Variants in VPS13A observed in about 807,000 individuals in gnomAD.
VPS13A encodes vacuolar protein sorting 13 homolog A, also known as intermembrane lipid transfer protein VPS13A.
VPS13A carries 264 observed loss-of-function variants against 390.9 expected under a neutral mutation model. The observed-to-expected ratio is 0.68, with a 90% CI of 0.61 to 0.75. The LOEUF is 0.75. Ranked by LOEUF, VPS13A falls within the 30% of genes least tolerant of loss-of-function variation. The probability of loss-of-function intolerance (pLI) is 0.00; values close to 1 mark genes in which losing one functional copy is unlikely to be tolerated. For missense variants in VPS13A, 3,409 were observed against 3,733.9 expected, an observed-to-expected ratio of 0.91 and a Z score of 2.27; for synonymous variants, 1,231 against 1,227.1, an observed-to-expected ratio of 1.00 and a Z score of -0.07.
chr9:77,201,390 T>C lies in VPS13A; in HGVS notation c.170T>C (p.Val57Ala). 6.2e-7 allele frequency: 1 copy of C among 1,610,392 alleles called. No homozygotes were observed. Among genetic ancestry groups the C allele is most frequent in the Non-Finnish European group, 8.5e-7 (1 of 1,176,894 alleles). Residue 57 changes from valine (V) to alanine (A), a missense_variant, in exon 3 of 72, where the codon GTT becomes GCT. By Grantham distance (64) the Val-to-Ala change is moderately conservative. This residue lies in a region of VPS13A where 2,717 missense variants were observed against 2,917.4 expected (regional missense o/e 0.93). Coordinates refer to ENST00000360280, the MANE Select transcript of VPS13A (RefSeq NM_033305.3). Reference sequence around the variant, plus strand: ...AGTCAACTGGATGTACCATTTAAAGTTAAAGTTGGTCACATAGGTAAGCCA... The same window carrying C: ...AGTCAACTGGATGTACCATTTAAAGCTAAAGTTGGTCACATAGGTAAGCCA... ...ALSQLDVPFK[V>A]KVGHIGNLKL...
At chr9:77,237,168 G>A (rs1824197993) in intron 17 of VPS13A, among the ~76,000 whole-genome samples, 1 of 151,882 alleles carries the variant, frequency 6.6e-6, no homozygotes, top group Non-Finnish European at 1.5e-5. Context: ...GATTACAGGC[G>A]TGAGCCACCG....
intron 26 of VPS13A, among the ~76,000 whole-genome samples, chr9:77,278,788 TTAA>T (rs1311677514): frequency 1.3e-5 from 2 of 152,226 alleles, no homozygotes; most frequent in African/African-American, 4.8e-5. Flanking sequence ...GATGAGAGTT[TTAA>T]AAGCTTTCTA....
intron 68 of VPS13A, among the ~76,000 whole-genome samples, chr9:77,386,679 A>G (rs1179414498): frequency 1.3e-5 from 2 of 151,396 alleles, no homozygotes; most frequent in African/African-American, 4.8e-5. Flanking sequence ...TTTAGCCCTT[A>G]GAGATGAGAT....
At position 77,280,223 on chromosome 9, in the gene VPS13A, G is replaced by C. The variant is rs776098236; in HGVS notation, c.2889G>C (p.Thr963=). The C allele has an allele frequency of 5.6e-6, 9 of 1,612,206 alleles. No homozygotes were observed. The South Asian group carries it at 8.8e-5, about 16-fold the overall frequency. ...ATAACACAATGGAAGACCTGTTAACGCTGGAATATGTAAAGGTAAGCAGTT... is the reference window on the plus strand; with the variant it reads ...ATAACACAATGGAAGACCTGTTAACCCTGGAATATGTAAAGGTAAGCAGTT... The part of the protein sequence containing the change: ...TLDNTMEDLL[T]LEYVKAEKNV... The change falls in exon 27 of 72, where the codon ACG becomes ACC. Residue 963 remains threonine (T), a synonymous_variant. Coordinates refer to ENST00000360280, the MANE Select transcript of VPS13A (RefSeq NM_033305.3).
chr9:77,240,689 G>T (rs895660366), intron 19 of VPS13A, among the ~76,000 whole-genome samples: 5 of 151,736 alleles, frequency 3.3e-5, no homozygotes, highest in Admixed American at 2.6e-4. Flanking sequence ...TGTTGGCCAG[G>T]CTGGTCTCGA....
intron 12 of VPS13A, 118 bp downstream of exon 12, chr9:77,220,501 A>C (rs1021880547): frequency 2.8e-6 from 2 of 721,342 alleles, no homozygotes; most frequent in African/African-American, 1.8e-5. Context: ...TACAAACCAT[A>C]ATTGATTTAT....
chr9:77,210,660 A>G lies in VPS13A; in HGVS notation c.540A>G (p.Gln180=), dbSNP rs1264376242. The part of the protein sequence containing the change: ...DKPLSFGISL[Q]NLSMQTTDQY... The stretch of plus-strand genomic sequence containing the variant: ...CGCTGTCATTTGGTATTTCCCTTCA[A>G]AATCTGAGCATGCAGGTATTTTGTT... The change falls in exon 7 of 72, where the codon CAA becomes CAG. Residue 180 remains glutamine (Q), a synonymous_variant. Transcript: ENST00000360280. 4 of 1,613,720 alleles carry G rather than the reference A, an allele frequency of 2.5e-6. No individual in the cohort carries two copies. The highest frequency in any genetic ancestry group is 3.4e-6 in the Non-Finnish European group (4 of 1,179,968).
chr9:77,287,224 T>TTC (rs147295666), intron 31 of VPS13A, among the ~76,000 whole-genome samples: 14,840 of 144,994 alleles, frequency 0.1, 833 homozygotes, highest in African/African-American at 0.12. Context: ...ATACATAAAA[T>TTC]TCTCTCTCTC....
chr9:77,414,119 G>C (rs1835064602), intron 71 of VPS13A, among the ~76,000 whole-genome samples: 1 of 152,176 alleles, frequency 6.6e-6, no homozygotes, highest in African/African-American at 2.4e-5. Flanking sequence ...GGAGAAATAG[G>C]AACACTTTTA....
chr9:77,355,730 A>G lies in VPS13A; in HGVS notation c.7653-984A>G, dbSNP rs117831345. Among the ~76,000 whole-genome samples the G allele has an allele frequency of 4.9e-3, 745 of 152,316 alleles. 7 individuals are homozygous for G. The highest frequency in any genetic ancestry group is 8.1e-3 in the Non-Finnish European group (548 of 68,014). On this transcript the variant is annotated intron_variant, in intron 54 of 71. Transcript: ENST00000360280. ...TAGCTCCTTCTAGTTATGCAGCCCA[A>G]AAATATTGAAATTGTCTTCGATTCC...
At chr9:77,269,545 A>G (rs923092163) in intron 23 of VPS13A, among the ~76,000 whole-genome samples, 4 of 152,222 alleles carry the variant, frequency 2.6e-5, no homozygotes, top group Admixed American at 1.3e-4. Context: ...GAATCAACTT[A>G]TCAATTTCCA....
rs375316338 is a variant in VPS13A at position 77,228,639 on chromosome 9, A to G, written c.1595+375A>G. Among the ~76,000 whole-genome samples, 678 of 152,238 alleles carry G rather than the reference A, an allele frequency of 4.5e-3. 14 individuals are homozygous for G. Among genetic ancestry groups the G allele is most frequent in the South Asian group, 0.043 (207 of 4,826 alleles). On this transcript the variant is annotated intron_variant, in intron 17 of 71. Coordinates refer to ENST00000360280, the MANE Select transcript of VPS13A (RefSeq NM_033305.3). ...TGTGGTTCATTGATTTTTCACAACT[A>G]TATTATATAGTAATTTCACATTGGT...
At chr9:77,378,874 G>A (rs1168666814) in intron 67 of VPS13A, among the ~76,000 whole-genome samples, 1 of 151,380 alleles carries the variant, frequency 6.6e-6, no homozygotes, top group Non-Finnish European at 1.5e-5. Context: ...ATAAGTTTTG[G>A]TGTGTTGTAT....
chr9:77,185,243 G>A (rs1824264035), intron 1 of VPS13A, among the ~76,000 whole-genome samples: 1 of 152,080 alleles, frequency 6.6e-6, no homozygotes, highest in Non-Finnish European at 1.5e-5. Context: ...CCGGGTTCAA[G>A]TGATTCTCCT....
chr9:77,285,438 A>T (rs1405483596), intron 31 of VPS13A, among the ~76,000 whole-genome samples: 1 of 152,216 alleles, frequency 6.6e-6, no homozygotes, highest in East Asian at 1.9e-4. Context: ...GGTAAAAAGG[A>T]TTCTTGCTGA....
chr9:77,406,353 C>G (rs1364674779), intron 70 of VPS13A, among the ~76,000 whole-genome samples: 1 of 152,124 alleles, frequency 6.6e-6, no homozygotes, highest in Non-Finnish European at 1.5e-5. Flanking sequence ...TTAATACATT[C>G]TCTTATCTCT....
intron 23 of VPS13A, among the ~76,000 whole-genome samples, chr9:77,264,725 A>C (rs1825937649): frequency 6.6e-6 from 1 of 152,218 alleles, no homozygotes; most frequent in African/African-American, 2.4e-5. Context: ...CTAAATATAC[A>C]GTCATGTCAT....
chr9:77,237,250 T>G (rs1824203223), intron 17 of VPS13A, among the ~76,000 whole-genome samples: 1 of 152,106 alleles, frequency 6.6e-6, no homozygotes, highest in Non-Finnish European at 1.5e-5. Context: ...TTCCAGAGAT[T>G]TTATAATTTT....
At chr9:77,293,758 A>G (rs1827814290) in intron 32 of VPS13A, among the ~76,000 whole-genome samples, 1 of 151,986 alleles carries the variant, frequency 6.6e-6, no homozygotes, top group Non-Finnish European at 1.5e-5. Flanking sequence ...TGCATTATAT[A>G]TCATAAATAT....
Sources: gnomAD v4.1 joint callset for allele counts (sites outside exome capture counted in the v4.1 genomes callset) on GRCh38, gnomAD v4.1.1 for gene constraint, gnomAD v4.1.1 regional missense constraint, MANE v1.5 for transcripts, NCBI Gene and HGNC (gene_info 2026-07-23, HGNC 2026-07-21) for gene names.